TASP1: variants seen among roughly 807,000 people sequenced by gnomAD.
TASP1 encodes the protein taspase 1.
In TASP1, 16 loss-of-function variants were observed where a neutral mutation model predicts 56.6. The ratio of observed to expected loss-of-function variants is 0.28; its 90% CI spans 0.19 to 0.43. The LOEUF is 0.43. Ranked by LOEUF, TASP1 falls within the 20% of genes least tolerant of loss-of-function variation. TASP1 has a pLI of 1.00. For synonymous variants in TASP1, 179 were observed against 184.2 expected (o/e 0.97, Z 0.23); for missense variants, 393 against 511.6 (o/e 0.77, Z 2.24).
chr20:13,475,169 T>C (rs1228522872), intron 11 of TASP1, among the ~76,000 whole-genome samples: 3 of 152,190 alleles, frequency 2.0e-5, no homozygotes, highest in African/African-American at 4.8e-5. Context: ...CTTCTTTCTC[T>C]CCTTTATAGT....
the TASP1 span, among the ~76,000 whole-genome samples, chr20:13,273,962 A>G: frequency 1.3e-5 from 2 of 152,186 alleles, no homozygotes; most frequent in Non-Finnish European, 2.9e-5. Flanking sequence ...TTTGTGGAAG[A>G]CCACAAAATG....
the TASP1 span, among the ~76,000 whole-genome samples, chr20:13,221,566 C>G: frequency 7.0e-6 from 1 of 143,166 alleles, no homozygotes; most frequent in African/African-American, 2.5e-5. Flanking sequence ...GCGGCGGCGG[C>G]GGCGGCGGCG....
At chr20:13,345,272 C>T in the TASP1 span, among the ~76,000 whole-genome samples, 101 of 152,332 alleles carry the variant, frequency 6.6e-4, no homozygotes, top group Non-Finnish European at 8.8e-4. Context: ...AAATAGCAGT[C>T]ATCAGAACGT....
the TASP1 span, among the ~76,000 whole-genome samples, chr20:13,250,787 C>T: frequency 1.3e-5 from 2 of 152,174 alleles, no homozygotes; most frequent in Non-Finnish European, 2.9e-5. Context: ...TGGATACATG[C>T]CCTGCAGCTC....
the TASP1 span, among the ~76,000 whole-genome samples, chr20:13,316,860 A>G: frequency 6.6e-6 from 1 of 151,946 alleles, no homozygotes; most frequent in South Asian, 2.1e-4. Flanking sequence ...AAGCTTTCCC[A>G]CTAAGATTAG....
chr20:13,637,908 C>G (rs1034889513), intron 1 of TASP1, among the ~76,000 whole-genome samples: 2 of 152,164 alleles, frequency 1.3e-5, no homozygotes, highest in African/African-American at 2.4e-5. Context: ...CTTAATAAGA[C>G]TTTCTCAAGA....
intron 10 of TASP1, among the ~76,000 whole-genome samples, chr20:13,501,146 G>A (rs949474584): frequency 6.6e-6 from 1 of 151,972 alleles, no homozygotes; most frequent in African/African-American, 2.4e-5. Flanking sequence ...AAGCAAAGGG[G>A]AAGTAAAGAT....
At chr20:13,553,261 T>G (rs541401865) in intron 8 of TASP1, among the ~76,000 whole-genome samples, 1 of 152,238 alleles carries the variant, frequency 6.6e-6, no homozygotes, top group South Asian at 2.1e-4. Flanking sequence ...TTTTAACGTT[T>G]TGACAAAAAT....
chr20:13,590,305 T>C (rs915488583), intron 4 of TASP1, among the ~76,000 whole-genome samples: 1 of 152,014 alleles, frequency 6.6e-6, no homozygotes, highest in African/African-American at 2.4e-5. Flanking sequence ...CACAACAAAA[T>C]ACTACTTCAA....
At chr20:13,377,850 T>A in the TASP1 span, among the ~76,000 whole-genome samples, 5 of 152,202 alleles carry the variant, frequency 3.3e-5, no homozygotes, top group Non-Finnish European at 4.4e-5. Flanking sequence ...GATTTGCTAG[T>A]TTATTTGCAT....
chr20:13,313,665 C>T, the TASP1 span, among the ~76,000 whole-genome samples: 74 of 152,202 alleles, frequency 4.9e-4, 1 homozygote, highest in Non-Finnish European at 5.1e-4. Flanking sequence ...CACCTTACCA[C>T]ATCACTAAAG....
At chr20:13,191,606 T>C in the TASP1 span, among the ~76,000 whole-genome samples, 1 of 152,128 alleles carries the variant, frequency 6.6e-6, no homozygotes, top group African/African-American at 2.4e-5. Context: ...GGAGAGGAGA[T>C]AGGCAGAGCT....
intron 11 of TASP1, among the ~76,000 whole-genome samples, chr20:13,482,400 G>T (rs879892331): frequency 3.3e-5 from 5 of 152,026 alleles, no homozygotes; most frequent in African/African-American, 1.2e-4. Flanking sequence ...GGTCTTTTGC[G>T]AGTCCACATA....
chr20:13,137,593 A>T, the TASP1 span, among the ~76,000 whole-genome samples: 2 of 152,280 alleles, frequency 1.3e-5, no homozygotes, highest in African/African-American at 4.8e-5. Context: ...TCTGCTGAGA[A>T]CATCAGAGAG....
chr20:13,341,056 G>A, the TASP1 span, among the ~76,000 whole-genome samples: 1 of 152,128 alleles, frequency 6.6e-6, no homozygotes, highest in African/African-American at 2.4e-5. Flanking sequence ...CTACAGCTTG[G>A]GGAATGAGTA....
At chr20:13,481,420 C>T (rs2043138321) in intron 11 of TASP1, among the ~76,000 whole-genome samples, 1 of 152,124 alleles carries the variant, frequency 6.6e-6, no homozygotes, top group African/African-American at 2.4e-5. Flanking sequence ...TGCTTCCCTT[C>T]TTTTGGGGAT....
At chr20:13,273,900 T>A in the TASP1 span, among the ~76,000 whole-genome samples, 2 of 152,214 alleles carry the variant, frequency 1.3e-5, no homozygotes, top group Non-Finnish European at 1.5e-5. Context: ...ATTGATCTGA[T>A]GACGTTTTGG....
At chr20:13,266,968 G>C in the TASP1 span, among the ~76,000 whole-genome samples, 1 of 152,266 alleles carries the variant, frequency 6.6e-6, no homozygotes, top group South Asian at 2.1e-4. Flanking sequence ...AAGAGATAAA[G>C]AAAGGTTTTC....
intron 12 of TASP1, among the ~76,000 whole-genome samples, chr20:13,422,737 T>C (rs2042488975): frequency 6.6e-6 from 1 of 152,092 alleles, no homozygotes; most frequent in South Asian, 2.1e-4. Context: ...TGGCACAAAA[T>C]AGGCCACAAA....
Sources: allele counts gnomAD v4.1 joint callset (sites outside exome capture counted in the v4.1 genomes callset), GRCh38; gene constraint gnomAD v4.1.1; transcripts MANE v1.5; gene names NCBI Gene and HGNC (gene_info 2026-07-23, HGNC 2026-07-21).